The following NCOA7 variants were observed in gnomAD, a reference collection of about 807,000 sequenced individuals.
The protein encoded by NCOA7 is nuclear receptor coactivator 7, also known as 140 kDa estrogen receptor-associated protein.
In NCOA7, 45 loss-of-function variants were observed where a neutral mutation model predicts 104.3. That is an observed-to-expected ratio of 0.43 (90% CI 0.34 to 0.55). The LOEUF is 0.55. NCOA7 is among the 20% of genes least tolerant of loss of function. NCOA7 has a pLI of 0.02. For missense variants in NCOA7, 1,041 were observed against 1,119.7 expected (o/e 0.93, Z 1.00); for synonymous variants, 398 against 402.3 (o/e 0.99, Z 0.13).
In NCOA7 at chr6:125,889,744, C is replaced by G; in HGVS notation, c.1690C>G (p.Leu564Val). ...GGIDITLSSS[L>V]SQAGDPITEG... ...AATAGACATTACCCTTAGTAGTTCT[C>G]TTTCCCAGGCGGGTGATCCCATAAC... Residue 564 changes from leucine (L) to valine (V), a missense_variant, in exon 9 of 16, where the codon CTT (leucine) becomes GTT (valine). By Grantham distance (32) the Leu-to-Val change is conservative. This residue lies in a region of NCOA7 where 914 missense variants were observed against 942.7 expected (regional missense o/e 0.97). Coordinates refer to ENST00000392477, the MANE Select transcript of NCOA7 (RefSeq NM_181782.5). The G allele has an allele frequency of 1.2e-6, 2 of 1,612,754 alleles. No individual in the cohort carries two copies. The highest frequency in any genetic ancestry group is 1.7e-6 in the Non-Finnish European group (2 of 1,179,508).
At chr6:125,821,189 C>T (rs1202648062) in intron 2 of NCOA7, among the ~76,000 whole-genome samples, 1 of 152,096 alleles carries the variant, frequency 6.6e-6, no homozygotes, top group Non-Finnish European at 1.5e-5. Context: ...GTATTATCAT[C>T]TTTCTGCATG....
intron 3 of NCOA7, among the ~76,000 whole-genome samples, chr6:125,856,886 A>C (rs148460667): frequency 8.9e-4 from 135 of 152,326 alleles, no homozygotes; most frequent in Non-Finnish European, 1.6e-3. Flanking sequence ...ATCCATGTTT[A>C]ATGAAACCTT....
intron 11 of NCOA7, among the ~76,000 whole-genome samples, chr6:125,919,599 C>T (rs1202260720): frequency 6.6e-6 from 1 of 152,168 alleles, no homozygotes; most frequent in Non-Finnish European, 1.5e-5. Context: ...TGCCTCTTCT[C>T]ATTGGAGCCA....
chr6:125,911,207 T>C (rs1366491112), intron 10 of NCOA7, among the ~76,000 whole-genome samples: 1 of 152,220 alleles, frequency 6.6e-6, no homozygotes, highest in Non-Finnish European at 1.5e-5. Flanking sequence ...GTTTAGCATT[T>C]ATATGGAACA....
chr6:125,907,211 T>G (rs1786092665), intron 10 of NCOA7, among the ~76,000 whole-genome samples: 1 of 152,230 alleles, frequency 6.6e-6, no homozygotes, highest in East Asian at 1.9e-4. Context: ...AGTCTGCCAG[T>G]GCCCTGAACA....
At chr6:125,905,042 C>G (rs1785850506) in intron 10 of NCOA7, among the ~76,000 whole-genome samples, 2 of 152,160 alleles carry the variant, frequency 1.3e-5, no homozygotes, top group African/African-American at 4.8e-5. Flanking sequence ...GTTCACTCAT[C>G]CATCAGCCCT....
At chr6:125,814,175 G>A (rs1777353052) in intron 1 of NCOA7, among the ~76,000 whole-genome samples, 1 of 151,866 alleles carries the variant, frequency 6.6e-6, no homozygotes, top group Admixed American at 6.6e-5. Context: ...TTTTTTTTGA[G>A]ACAGAGTCTC....
intron 1 of NCOA7, among the ~76,000 whole-genome samples, chr6:125,806,702 G>T (rs1369923914): frequency 1.3e-5 from 2 of 152,204 alleles, no homozygotes; most frequent in African/African-American, 2.4e-5. Flanking sequence ...ATGAAGAATT[G>T]ACCCTTGTAC....
At chr6:125,786,983 C>CA (rs533985041), upstream of NCOA7, among the ~76,000 whole-genome samples, 184 of 151,972 alleles carry the variant, frequency 1.2e-3, 4 homozygotes, top group South Asian at 0.036. Context: ...TCCATCTCTA[C>CA]AAAAAATACA....
intron 2 of NCOA7, among the ~76,000 whole-genome samples, chr6:125,824,057 G>A (rs1054640823): frequency 5.9e-5 from 9 of 151,804 alleles, no homozygotes; most frequent in Admixed American, 6.6e-5. Context: ...TATTGGGAGT[G>A]AGGGTTTTTT....
At chr6:125,812,734 T>C (rs1260929) in intron 1 of NCOA7, among the ~76,000 whole-genome samples, 8,070 of 152,236 alleles carry the variant, frequency 0.053, 689 homozygotes, top group African/African-American at 0.18. Context: ...CACAACCGAT[T>C]TCTTACCTCC....
chr6:125,929,498 G>A lies in NCOA7; in HGVS notation c.*727G>A, dbSNP rs892544789. 1 of 151,822 alleles carries A rather than the reference G, an allele frequency of 6.6e-6. No individual in the cohort carries two copies. The highest frequency in any genetic ancestry group is 2.4e-5 in the African/African-American group (1 of 41,324). The allele number at this position is 151,822 out of a possible 1,614,324, so 9.4% of individuals were successfully genotyped here. A position where few individuals can be genotyped will look rare whatever the true frequency, so the allele number is the denominator to read the frequency against. Reference sequence around the variant, plus strand: ...TGGGTATATAGAGATATATGTGTGTGTGTATGTATATGTACATATACATAT... The same window carrying A: ...TGGGTATATAGAGATATATGTGTGTATGTATGTATATGTACATATACATAT... On this transcript the variant is annotated 3_prime_UTR_variant, in exon 16 of 16. Coordinates refer to ENST00000392477, the MANE Select transcript of NCOA7 (RefSeq NM_181782.5).
intron 4 of NCOA7, 163 bp downstream of exon 4, chr6:125,875,131 T>C: frequency 1.9e-6 from 1 of 521,382 alleles, no homozygotes; most frequent in Non-Finnish European, 3.5e-6. Context: ...CCTCCATATT[T>C]TCTCCCTGGT....
chr6:125,802,219 G>C (rs1562782610), intron 1 of NCOA7: 1 of 152,158 alleles, frequency 6.6e-6, no homozygotes, highest in Non-Finnish European at 1.5e-5. Flanking sequence ...ATGGTTCTAA[G>C]GGTGTATTGG....
intron 2 of NCOA7, among the ~76,000 whole-genome samples, chr6:125,825,860 ATATTCT>A (rs1778613036): frequency 6.6e-6 from 1 of 152,188 alleles, no homozygotes. Context: ...TATATAAACG[ATATTCT>A]TATTTTATAA....
intron 11 of NCOA7, 25 bp downstream of exon 11, chr6:125,915,505 C>G (rs375605915): frequency 6.2e-7 from 1 of 1,612,602 alleles, no homozygotes; most frequent in Admixed American, 1.7e-5. Flanking sequence ...AGGGTTAGAC[C>G]GTCGTAGTTC....
chr6:125,897,384 G>T (rs1785117339), intron 10 of NCOA7, among the ~76,000 whole-genome samples: 1 of 152,178 alleles, frequency 6.6e-6, no homozygotes, highest in Non-Finnish European at 1.5e-5. Context: ...ATGTTTCATA[G>T]TTAAATATGT....
intron 2 of NCOA7, among the ~76,000 whole-genome samples, chr6:125,851,911 T>A (rs1781166584): frequency 6.6e-6 from 1 of 151,988 alleles, no homozygotes; most frequent in African/African-American, 2.4e-5. Flanking sequence ...TCGAGAAATA[T>A]CTATTCATGT....
At chr6:125,868,322 C>G (rs998258024) in intron 3 of NCOA7, among the ~76,000 whole-genome samples, 1 of 152,332 alleles carries the variant, frequency 6.6e-6, no homozygotes, top group East Asian at 1.9e-4. Flanking sequence ...ACATACTACT[C>G]TATTCACATT....
Sources: gnomAD v4.1 joint callset for allele counts (sites outside exome capture counted in the v4.1 genomes callset) on GRCh38, gnomAD v4.1.1 for gene constraint, gnomAD v4.1.1 regional missense constraint, MANE v1.5 for transcripts, NCBI Gene and HGNC (gene_info 2026-07-23, HGNC 2026-07-21) for gene names.